Variants in OPCML observed in about 807,000 individuals in gnomAD.
OPCML encodes the protein opioid binding protein/cell adhesion molecule like, also known as opioid-binding protein/cell adhesion molecule.
Under a neutral mutation model 37.8 loss-of-function variants are expected in OPCML, and 13 were observed. The observed-to-expected ratio is 0.34, with a 90% CI of 0.22 to 0.55. The LOEUF (loss-of-function observed/expected upper bound fraction) is 0.55, where lower values mean the gene tolerates loss of function less well. OPCML is among the 20% of genes least tolerant of loss of function. OPCML has a pLI of 0.91. For synonymous variants in OPCML, 176 were observed against 168.8 expected (o/e 1.04, Z -0.33); for missense variants, 341 against 435.6 (o/e 0.78, Z 1.93).
chr11:133,274,081 G>A (rs11223425), intron 1 of OPCML, among the ~76,000 whole-genome samples: 78,695 of 151,884 alleles, frequency 0.52, 21,114 homozygotes, highest in East Asian at 0.91. Flanking sequence ...GCACTAAGGC[G>A]AGTACACACC....
intron 1 of OPCML, among the ~76,000 whole-genome samples, chr11:133,313,558 G>C (rs1480293463): frequency 6.6e-6 from 1 of 152,206 alleles, no homozygotes; most frequent in Non-Finnish European, 1.5e-5. Context: ...GGGTTCTTAA[G>C]AGCATCCTGG....
At chr11:133,383,128 C>T (rs972743625) in intron 1 of OPCML, among the ~76,000 whole-genome samples, 1 of 152,136 alleles carries the variant, frequency 6.6e-6, no homozygotes, top group African/African-American at 2.4e-5. Flanking sequence ...CTACCCCTCC[C>T]TCCCTTTCCT....
At chr11:132,629,822 G>A (rs11223160) in intron 3 of OPCML, among the ~76,000 whole-genome samples, 14,616 of 152,012 alleles carry the variant, frequency 0.096, 895 homozygotes, top group South Asian at 0.24. Flanking sequence ...ACATTATTCT[G>A]TAAGTTGGCC....
At chr11:132,719,586 G>T (rs1269688413) in intron 2 of OPCML, among the ~76,000 whole-genome samples, 1 of 152,176 alleles carries the variant, frequency 6.6e-6, no homozygotes, top group Non-Finnish European at 1.5e-5. Context: ...ACCAGAAGGG[G>T]TGCATTTTCA....
intron 1 of OPCML, among the ~76,000 whole-genome samples, chr11:133,450,977 A>G (rs1292803765): frequency 1.3e-5 from 2 of 151,808 alleles, no homozygotes; most frequent in African/African-American, 4.9e-5. Flanking sequence ...CATTAAACAT[A>G]CCATATATAT....
intron 1 of OPCML, among the ~76,000 whole-genome samples, chr11:133,028,801 A>T (rs1209321774): frequency 6.6e-6 from 1 of 152,142 alleles, no homozygotes; most frequent in African/African-American, 2.4e-5. Flanking sequence ...TGGCCTAGAC[A>T]AATAATTTAT....
chr11:133,390,602 G>A (rs866004943), intron 1 of OPCML, among the ~76,000 whole-genome samples: 8 of 152,148 alleles, frequency 5.3e-5, no homozygotes, highest in South Asian at 2.1e-4. Flanking sequence ...GAGTACCAGG[G>A]AAACAGTCTT....
At chr11:133,116,970 G>A (rs1949345678) in intron 1 of OPCML, among the ~76,000 whole-genome samples, 1 of 151,920 alleles carries the variant, frequency 6.6e-6, no homozygotes, top group Non-Finnish European at 1.5e-5. Context: ...TTATACTGTA[G>A]AAGATATTTT....
chr11:132,923,616 G>C (rs978970401), intron 2 of OPCML, among the ~76,000 whole-genome samples: 2 of 152,048 alleles, frequency 1.3e-5, no homozygotes, highest in Admixed American at 6.5e-5. Flanking sequence ...TTTTGTTATG[G>C]TCACAAATAT....
chr11:133,193,571 G>A (rs1020546587), intron 1 of OPCML, among the ~76,000 whole-genome samples: 2 of 151,962 alleles, frequency 1.3e-5, no homozygotes, highest in African/African-American at 4.8e-5. Flanking sequence ...GCACTATTTT[G>A]GTAATTCAAA....
chr11:132,668,174 TA>T (rs1208895713), intron 2 of OPCML, among the ~76,000 whole-genome samples: 3 of 152,166 alleles, frequency 2.0e-5, no homozygotes, highest in Non-Finnish European at 4.4e-5. Flanking sequence ...AAATGAGCAA[TA>T]GTCACCCTTG....
chr11:132,679,452 A>T (rs1187687879), intron 2 of OPCML, among the ~76,000 whole-genome samples: 1 of 152,254 alleles, frequency 6.6e-6, no homozygotes, highest in African/African-American at 2.4e-5. Flanking sequence ...AACGTGGATC[A>T]ACCTTGAAAA....
At chr11:133,304,158 C>T (rs1276078361) in intron 1 of OPCML, among the ~76,000 whole-genome samples, 1 of 152,160 alleles carries the variant, frequency 6.6e-6, no homozygotes, top group Non-Finnish European at 1.5e-5. Flanking sequence ...GGGAGGTAAG[C>T]GTCTACTGCC....
At chr11:133,246,908 T>G (rs1473261295) in intron 1 of OPCML, among the ~76,000 whole-genome samples, 1 of 152,186 alleles carries the variant, frequency 6.6e-6, no homozygotes. Flanking sequence ...AGCAATAATG[T>G]GAAGAACAAG....
At chr11:133,337,473 C>A (rs933401676) in intron 1 of OPCML, among the ~76,000 whole-genome samples, 1 of 152,198 alleles carries the variant, frequency 6.6e-6, no homozygotes, top group African/African-American at 2.4e-5. Flanking sequence ...ACAACAGAGA[C>A]TGCAAGCTCA....
intron 1 of OPCML, among the ~76,000 whole-genome samples, chr11:132,982,074 G>C (rs1287453952): frequency 6.6e-6 from 1 of 151,986 alleles, no homozygotes; most frequent in Non-Finnish European, 1.5e-5. Flanking sequence ...CTCGAATACG[G>C]GCCCTTAAGC....
intron 2 of OPCML, among the ~76,000 whole-genome samples, chr11:132,742,347 T>C (rs12286403): frequency 0.019 from 2,936 of 152,318 alleles, 43 homozygotes; most frequent in Non-Finnish European, 0.032. Context: ...TTCACGAAGA[T>C]GGAGTTCCAG....
In OPCML at chr11:133,208,657, T is replaced by C. The variant is rs1253417235; in HGVS notation, c.62-265647A>G. ...GTTATCCTTTGTCTGCTGTTAAGCTTCATGCACCTTCTCATGTCCATTTAC... is the reference window on the plus strand; with the variant it reads ...GTTATCCTTTGTCTGCTGTTAAGCTCCATGCACCTTCTCATGTCCATTTAC... On this transcript the variant is annotated intron_variant, in intron 1 of 7. Transcript: ENST00000524381. This position sits in a 1 kb window ranked among gnomAD's most constrained non-coding sequence, Gnocchi z 8.9. Among the ~76,000 whole-genome samples, 1 of 152,190 alleles carries C rather than the reference T, an allele frequency of 6.6e-6. No individual in the cohort carries two copies. Among genetic ancestry groups the C allele is most frequent in the Non-Finnish European group, 1.5e-5 (1 of 68,022 alleles).
At chr11:133,026,477 T>A (rs1947557304) in intron 1 of OPCML, 26 of 985,434 alleles carry the variant, frequency 2.6e-5, no homozygotes, top group Non-Finnish European at 3.0e-5. Context: ...ATCCTGAACA[T>A]CCTCCACGCA....
Sources: gnomAD v4.1 joint callset for allele counts (sites outside exome capture counted in the v4.1 genomes callset) on GRCh38, gnomAD v4.1.1 for gene constraint, Gnocchi (gnomAD v3.1) non-coding constraint, MANE v1.5 for transcripts, NCBI Gene and HGNC (gene_info 2026-07-23, HGNC 2026-07-21) for gene names.